SLC12A6: variants seen among roughly 807,000 people sequenced by gnomAD.
SLC12A6 encodes the protein solute carrier family 12 member 6, also known as K-Cl cotransporter 3.
In SLC12A6, 66 loss-of-function variants were observed where a neutral mutation model predicts 135.3. The observed-to-expected ratio is 0.49, with a 90% CI of 0.40 to 0.60. SLC12A6 has a LOEUF of 0.60. Ranked by LOEUF, SLC12A6 falls within the 20% of genes least tolerant of loss-of-function variation. SLC12A6 has a pLI of 0.00. For missense variants in SLC12A6, 1,058 were observed against 1,452.3 expected, an observed-to-expected ratio of 0.73 and a Z score of 4.41; for synonymous variants, 513 against 508.8, an observed-to-expected ratio of 1.01 and a Z score of -0.11.
At chr15:34,271,293 T>TA (rs1893916978) in intron 3 of SLC12A6, among the ~76,000 whole-genome samples, 1 of 151,906 alleles carries the variant, frequency 6.6e-6, no homozygotes, top group African/African-American at 2.4e-5. Context: ...GGGGATAATT[T>TA]AAAAAAATAT....
chr15:34,305,358 T>C (rs1394246349), intron 2 of SLC12A6, among the ~76,000 whole-genome samples: 1 of 152,074 alleles, frequency 6.6e-6, no homozygotes, highest in Non-Finnish European at 1.5e-5. Context: ...GTGTCCTGAA[T>C]CGATCCAATA....
At chr15:34,305,483 T>A (rs1393821198) in intron 2 of SLC12A6, among the ~76,000 whole-genome samples, 1 of 151,932 alleles carries the variant, frequency 6.6e-6, no homozygotes, top group Non-Finnish European at 1.5e-5. Flanking sequence ...TTCATTCCTT[T>A]ATTCAATAAT....
chr15:34,245,028 T>C (rs1183681454), intron 15 of SLC12A6, among the ~76,000 whole-genome samples: 1 of 152,144 alleles, frequency 6.6e-6, no homozygotes, highest in African/African-American at 2.4e-5. Context: ...CTAACAGTGG[T>C]GGTAAAAGCT....
At chr15:34,321,043 A>G (rs16958995) in intron 2 of SLC12A6, among the ~76,000 whole-genome samples, 24,615 of 152,230 alleles carry the variant, frequency 0.16, 2,272 homozygotes, top group East Asian at 0.33. Context: ...GAAACTTTAC[A>G]TCACGATCTC....
intron 8 of SLC12A6, among the ~76,000 whole-genome samples, chr15:34,254,905 C>T (rs1375532997): frequency 6.6e-6 from 1 of 152,112 alleles, no homozygotes; most frequent in Non-Finnish European, 1.5e-5. Context: ...CCTGACTCTA[C>T]TATCACTACT....
intron 2 of SLC12A6, among the ~76,000 whole-genome samples, chr15:34,322,888 G>A (rs1889198509): frequency 7.1e-6 from 1 of 141,820 alleles, no homozygotes; most frequent in Admixed American, 7.5e-5. Context: ...TGAGGCAGGA[G>A]AATCGCTTGA....
intron 23 of SLC12A6, 30 bp from the exon 24 acceptor site, chr15:34,236,229 C>G (rs1891254207): frequency 6.3e-7 from 1 of 1,575,606 alleles, no homozygotes; most frequent in African/African-American, 1.3e-5. Flanking sequence ...ACAAGTTATT[C>G]TACCAAATTT....
rs1331183612 is a variant in SLC12A6 at position 34,242,130 on chromosome 15, T to C, written c.2134A>G (p.Met712Val). 6 of 1,593,650 alleles carry C rather than the reference T, an allele frequency of 3.8e-6. No individual in the cohort carries two copies. Among genetic ancestry groups the C allele is most frequent in the Non-Finnish European group, 4.3e-6 (5 of 1,161,736 alleles). ...TGGTATTCAATGTACTTGTAGATCA[T>C]ACCAGCTATTACCATGGCTACAATG... The part of the protein sequence containing the change: ...YAIVAMVIAG[M>V]IYKYIEYQGA... The change falls in exon 17 of 26, where the codon ATG becomes GTG. Residue 712 changes from methionine (M) to valine (V), a missense_variant. Transcript: ENST00000354181.
intron 2 of SLC12A6, among the ~76,000 whole-genome samples, chr15:34,323,128 TGACAAAGGAGA>T (rs1889231484): frequency 6.6e-6 from 1 of 151,958 alleles, no homozygotes; most frequent in Non-Finnish European, 1.5e-5. Context: ...AACATATACT[TGACAAAGGAGA>T]TCTGTATCTA....
At chr15:34,285,958 T>C (rs568343076) in intron 2 of SLC12A6, among the ~76,000 whole-genome samples, 37 of 152,100 alleles carry the variant, frequency 2.4e-4, no homozygotes, top group Admixed American at 2.4e-3. Flanking sequence ...TCATTGGGTA[T>C]AGAAGTTCAG....
intron 2 of SLC12A6, among the ~76,000 whole-genome samples, chr15:34,335,491 A>T (rs541969058): frequency 6.6e-6 from 1 of 152,346 alleles, no homozygotes; most frequent in East Asian, 1.9e-4. Context: ...CTTTAAGGGA[A>T]ATTTTTATCA....
At chr15:34,260,679 T>C (rs575746887) in intron 4 of SLC12A6, among the ~76,000 whole-genome samples, 4 of 152,350 alleles carry the variant, frequency 2.6e-5, no homozygotes, top group Non-Finnish European at 5.9e-5. Context: ...CTGAATTAGA[T>C]TGCAAGGTAA....
chr15:34,327,544 G>A lies in SLC12A6; in HGVS notation c.271+8866C>T, dbSNP rs189887621. Among the ~76,000 whole-genome samples the A allele has an allele frequency of 3.7e-3, 568 of 152,222 alleles. 2 individuals are homozygous for A. The highest frequency in any genetic ancestry group is 5.7e-3 in the Non-Finnish European group (386 of 68,016). On this transcript the variant is annotated intron_variant, in intron 2 of 25. Coordinates refer to ENST00000354181, the MANE Select transcript of SLC12A6 (RefSeq NM_001365088.1). Reference sequence around the variant, plus strand: ...ATGGTGGCATGCGCCTGTAATCCCAGCTACTCAGGAGGCTGAGGGAGGAGA... The same window carrying A: ...ATGGTGGCATGCGCCTGTAATCCCAACTACTCAGGAGGCTGAGGGAGGAGA...
intron 14 of SLC12A6, 60 bp downstream of exon 14, chr15:34,245,633 C>T: frequency 7.1e-7 from 1 of 1,411,854 alleles, no homozygotes; most frequent in Non-Finnish European, 1.0e-6. Context: ...CCATGAAGAC[C>T]ACACTGTTTC....
rs959935524 is a variant in SLC12A6, at chr15:34,230,050, CA to C, written c.*3830del. The C allele has an allele frequency of 6.7e-6, 3 of 447,208 alleles. No individual in the cohort carries two copies. Among genetic ancestry groups the C allele is most frequent in the East Asian group, 3.5e-5 (1 of 28,528 alleles). The allele number at this position is 447,208 out of a possible 1,614,324, so 27.7% of individuals were successfully genotyped here. A position where few individuals can be genotyped will look rare whatever the true frequency, so the allele number is the denominator to read the frequency against. On this transcript the variant is annotated 3_prime_UTR_variant, in exon 26 of 26. Coordinates refer to ENST00000354181, the MANE Select transcript of SLC12A6 (RefSeq NM_001365088.1). The stretch of plus-strand genomic sequence containing the variant: ...TTTCCAGTACAGAGCAAAACAACAA[CA>C]AAAAAACATAACTATGTAAACAAGA...
chr15:34,284,277 C>CTTTTCTTTT (rs1555385324), intron 2 of SLC12A6, among the ~76,000 whole-genome samples: 1 of 92,490 alleles, frequency 1.1e-5, no homozygotes, highest in Admixed American at 1.3e-4. Context: ...TGTTTCTTTT[C>CTTTTCTTTT]TTTTTTTTTT....
intron 2 of SLC12A6, chr15:34,318,910 C>T: frequency 9.7e-7 from 1 of 1,032,024 alleles, no homozygotes; most frequent in Non-Finnish European, 1.3e-6. Flanking sequence ...GGATTAAGCA[C>T]TCCACCCTTG....
intron 2 of SLC12A6, among the ~76,000 whole-genome samples, chr15:34,287,924 A>G (rs1043885306): frequency 2.8e-4 from 42 of 152,276 alleles, no homozygotes; most frequent in African/African-American, 9.9e-4. Flanking sequence ...CCCGTTCTGT[A>G]GGTTGCCTGT....
chr15:34,255,821 T>C (rs77410988), intron 7 of SLC12A6, among the ~76,000 whole-genome samples: 33 of 140,138 alleles, frequency 2.4e-4, no homozygotes, highest in Middle Eastern at 7.2e-3. Context: ...AAAAAAAAAA[T>C]AGCCAGGCAT....
Sources: allele counts gnomAD v4.1 joint callset (sites outside exome capture counted in the v4.1 genomes callset), GRCh38; gene constraint gnomAD v4.1.1; transcripts MANE v1.5; gene names NCBI Gene and HGNC (gene_info 2026-07-23, HGNC 2026-07-21).